Variants in MYOM2 observed in about 807,000 individuals in gnomAD.
The protein encoded by MYOM2 is myomesin 2, also known as myomesin-2.
A neutral mutation model predicts 187.6 loss-of-function variants in MYOM2; 254 were observed. That is an observed-to-expected ratio of 1.35 (90% CI 1.22 to 1.50). The LOEUF is 1.50. MYOM2 is among the 40% of genes most tolerant of loss of function. MYOM2 has a pLI of 0.00. For missense variants in MYOM2, 2,796 were observed against 1,924.0 expected (o/e 1.45, Z -8.48); for synonymous variants, 981 against 753.8 (o/e 1.30, Z -4.94).
chr8:2,141,754 T>A (rs987595410), intron 34 of MYOM2, among the ~76,000 whole-genome samples: 1 of 152,190 alleles, frequency 6.6e-6, no homozygotes, highest in African/African-American at 2.4e-5. Context: ...ACATTAGCCC[T>A]TAAGCTGATG....
At chr8:2,048,694 C>T (rs907020311) in intron 1 of MYOM2, among the ~76,000 whole-genome samples, 27 of 152,174 alleles carry the variant, frequency 1.8e-4, no homozygotes, top group African/African-American at 5.3e-4. Flanking sequence ...AAAACCTGGG[C>T]GCTTGACCTC....
chr8:2,105,415 A>C (rs1796857169), intron 21 of MYOM2, among the ~76,000 whole-genome samples: 1 of 152,188 alleles, frequency 6.6e-6, no homozygotes, highest in Non-Finnish European at 1.5e-5. Flanking sequence ...GCACACGGCC[A>C]GATGTTCACC....
intron 21 of MYOM2, among the ~76,000 whole-genome samples, chr8:2,105,048 G>A (rs953324136): frequency 6.6e-6 from 1 of 152,180 alleles, no homozygotes; most frequent in Non-Finnish European, 1.5e-5. Flanking sequence ...AAAGTGCTGG[G>A]ATTACAGGCA....
intron 13 of MYOM2, among the ~76,000 whole-genome samples, chr8:2,084,697 T>C (rs1055549442): frequency 6.6e-6 from 1 of 152,196 alleles, no homozygotes; most frequent in South Asian, 2.1e-4. Flanking sequence ...TCAACATCAC[T>C]CCAGAATTCA....
chr8:2,118,133 C>A (rs1003583299), intron 28 of MYOM2, among the ~76,000 whole-genome samples, 181 bp downstream of exon 28: 17 of 152,072 alleles, frequency 1.1e-4, no homozygotes, highest in African/African-American at 3.6e-4. Flanking sequence ...ACTTGGACTT[C>A]AGTGCTTATC....
chr8:2,072,619 C>G (rs1708219832), intron 9 of MYOM2, 110 bp downstream of exon 9: 1 of 1,315,754 alleles, frequency 7.6e-7, no homozygotes, highest in Admixed American at 2.6e-5. Context: ...TGGGTCAGCT[C>G]CAGACAGCGA....
chr8:2,095,607 A>G (rs1255736562), intron 17 of MYOM2, among the ~76,000 whole-genome samples: 2 of 152,138 alleles, frequency 1.3e-5, no homozygotes, highest in Admixed American at 6.5e-5. Flanking sequence ...TTATTCTATG[A>G]TAAGAATCAC....
At chr8:2,079,738 C>T (rs1431708552) in intron 13 of MYOM2, 125 bp downstream of exon 13, 11 of 1,045,946 alleles carry the variant, frequency 1.1e-5, no homozygotes, top group Non-Finnish European at 1.5e-5. Flanking sequence ...AAATGAAAAC[C>T]GCAGGTCAGG....
intron 30 of MYOM2, 55 bp downstream of exon 30, chr8:2,123,697 TG>T: frequency 6.7e-7 from 1 of 1,481,592 alleles, no homozygotes; most frequent in Non-Finnish European, 9.4e-7. Context: ...ACCAACAGGA[TG>T]GGATGTATTC....
At chr8:2,139,024 ACAC>A (rs1798181174) in intron 32 of MYOM2, among the ~76,000 whole-genome samples, 1 of 125,630 alleles carries the variant, frequency 8.0e-6, no homozygotes, top group Non-Finnish European at 1.7e-5. Flanking sequence ...GACCCGACAC[ACAC>A]TGCCAGCACC....
At position 2,095,102 on chromosome 8, in the gene MYOM2, A is replaced by C. The variant is rs62478388; in HGVS notation, c.2125+1011A>C. Among the ~76,000 whole-genome samples the C allele has an allele frequency of 9.6e-3, 1,461 of 152,294 alleles. 15 individuals are homozygous for C. Among genetic ancestry groups the C allele is most frequent in the East Asian group, 0.075 (390 of 5,180 alleles). ...GACTAAATTTGCAACATTTTCAGAAATTAAAATTTATCTTCTAATGATATT... is the reference window on the plus strand; with the variant it reads ...GACTAAATTTGCAACATTTTCAGAACTTAAAATTTATCTTCTAATGATATT... On this transcript the variant is annotated intron_variant, in intron 17 of 36. Coordinates refer to ENST00000262113, the MANE Select transcript of MYOM2 (RefSeq NM_003970.4).
chr8:2,086,703 G>C (rs972673569), intron 14 of MYOM2, among the ~76,000 whole-genome samples: 1 of 152,270 alleles, frequency 6.6e-6, no homozygotes. Flanking sequence ...TGTGAGCAGG[G>C]AGTCGCTTCC....
At chr8:2,070,742 A>G (rs987429591) in intron 8 of MYOM2, among the ~76,000 whole-genome samples, 1 of 152,218 alleles carries the variant, frequency 6.6e-6, no homozygotes, top group Non-Finnish European at 1.5e-5. Context: ...ATATCTTGCT[A>G]TTTTTGCTTC....
chr8:2,067,692 A>T (rs3779854), intron 6 of MYOM2, among the ~76,000 whole-genome samples: 1 of 151,984 alleles, frequency 6.6e-6, no homozygotes, highest in Non-Finnish European at 1.5e-5. Context: ...GGGAAGCAGA[A>T]GACCCACCCC....
chr8:2,060,048 T>C (rs2129330354), intron 6 of MYOM2, among the ~76,000 whole-genome samples: 1 of 152,334 alleles, frequency 6.6e-6, no homozygotes, highest in South Asian at 2.1e-4. Flanking sequence ...GGCCCACACA[T>C]TTCATTTTTT....
rs555348668 is a variant in MYOM2, at chr8:2,113,370, T to C, written c.3181-2590T>C. On this transcript the variant is annotated intron_variant, in intron 25 of 36. Transcript: ENST00000262113. ...AGCAGCCATAACACCTTTCAGTATC[T>C]GTTAGCACATCCCAAAGGCTGAGTG... Among the ~76,000 whole-genome samples the C allele has an allele frequency of 2.0e-5, 3 of 152,310 alleles. No individual in the cohort carries two copies. The East Asian group carries it at 5.8e-4, about 29-fold the overall frequency.
intron 10 of MYOM2, among the ~76,000 whole-genome samples, chr8:2,075,087 G>T (rs907327964): frequency 1.3e-5 from 2 of 152,190 alleles, no homozygotes; most frequent in Non-Finnish European, 2.9e-5. Context: ...TTAAAGGAAG[G>T]ACTGTATCAT....
At chr8:2,120,717 A>C (rs1313318730) in intron 28 of MYOM2, among the ~76,000 whole-genome samples, 2 of 80,584 alleles carry the variant, frequency 2.5e-5, no homozygotes. Context: ...TTTAATTGCC[A>C]ATCTAATTGC....
At chr8:2,092,591 CTGGCACAGGGAGTACCA>C in intron 16 of MYOM2, 71 bp downstream of exon 16, 1 of 1,489,968 alleles carries the variant, frequency 6.7e-7, no homozygotes, top group South Asian at 1.3e-5. Context: ...CCCTGTGGCC[CTGGCACAGGGAGTACCA>C]TGGCCGCAAG....
Sources: gnomAD v4.1 joint callset for allele counts (sites outside exome capture counted in the v4.1 genomes callset) on GRCh38, gnomAD v4.1.1 for gene constraint, MANE v1.5 for transcripts, NCBI Gene and HGNC (gene_info 2026-07-23, HGNC 2026-07-21) for gene names.